Variants in ATP8B1 observed in about 807,000 individuals in gnomAD.
ATP8B1 encodes ATPase phospholipid transporting 8B1, also known as phospholipid-transporting ATPase IC.
ATP8B1 carries 80 observed loss-of-function variants against 149.9 expected under a neutral mutation model. The observed-to-expected ratio is 0.53, with a 90% CI of 0.45 to 0.64. The LOEUF (loss-of-function observed/expected upper bound fraction) is 0.64. ATP8B1 is among the 30% of genes least tolerant of loss of function. ATP8B1 has a pLI of 0.00. For missense variants in ATP8B1, 1,247 were observed against 1,552.6 expected (o/e 0.80, Z 3.31); for synonymous variants, 536 against 562.8 (o/e 0.95, Z 0.67).
intron 6 of ATP8B1, among the ~76,000 whole-genome samples, chr18:57,700,773 C>T (rs1913075784): frequency 6.6e-6 from 1 of 152,140 alleles, no homozygotes; most frequent in Non-Finnish European, 1.5e-5. Flanking sequence ...ACAAAATTAG[C>T]TGAGCATGGT....
chr18:57,661,107 C>T, intron 22 of ATP8B1, 67 bp downstream of exon 22: 2 of 1,584,490 alleles, frequency 1.3e-6, no homozygotes, highest in East Asian at 2.3e-5. Context: ...AATCCACCCC[C>T]TACACATTCC....
intron 1 of ATP8B1, among the ~76,000 whole-genome samples, chr18:57,777,097 C>A (rs1433334317): frequency 6.6e-6 from 1 of 152,082 alleles, no homozygotes; most frequent in Non-Finnish European, 1.5e-5. Context: ...CCCACCTCAG[C>A]CTCCCATGTA....
chr18:57,774,981 G>A (rs1417641031), intron 1 of ATP8B1, among the ~76,000 whole-genome samples: 1 of 152,166 alleles, frequency 6.6e-6, no homozygotes, highest in Non-Finnish European at 1.5e-5. Flanking sequence ...TGAACACCCA[G>A]GACAGAGCCT....
chr18:57,668,114 G>C lies in ATP8B1; in HGVS notation c.2209+315C>G, dbSNP rs778027235. The C allele has an allele frequency of 2.2e-6, 3 of 1,339,636 alleles. No homozygotes were observed. The South Asian group carries it at 3.7e-5, about 16-fold the overall frequency. The allele number at this position is 1,339,636 out of a possible 1,614,324, so 83.0% of individuals were successfully genotyped here. A position where few individuals can be genotyped will look rare whatever the true frequency, so the allele number is the denominator to read the frequency against. On this transcript the variant is annotated intron_variant, in intron 19 of 27. Coordinates refer to ENST00000648908, the MANE Select transcript of ATP8B1 (RefSeq NM_001374385.1). ...CCACCAAATGTCAAAGCACTGGAAG[G>C]ACAGAGGGACAAGAGGGATGGCCCT... is the stretch of plus-strand genomic sequence containing the variant.
In ATP8B1 at chr18:57,652,643, A is replaced by G; in HGVS notation, c.3102T>C (p.Phe1034=). ...RDLLFNYKRF[F]VSLLHGVLTS... is the part of the protein sequence containing the mutation. ...TTAGGACCCCATGCAACAAGCTTAC[A>G]AAGAATCTCTTATAGTTGAATAGTA... Residue 1034 remains phenylalanine, a synonymous_variant, in exon 25 of 28, where the codon TTT becomes TTC. Coordinates refer to ENST00000648908, the MANE Select transcript of ATP8B1 (RefSeq NM_001374385.1). 1 of 1,614,228 alleles carries G rather than the reference A, an allele frequency of 6.2e-7. No individual in the cohort carries two copies. Among genetic ancestry groups the G allele is most frequent in the Non-Finnish European group, 8.5e-7 (1 of 1,180,026 alleles).
In ATP8B1 at chr18:57,669,443, A is replaced by C. The variant is rs1467058798; in HGVS notation, c.1972T>G (p.Tyr658Asp). The C allele has an allele frequency of 2.5e-6, 4 of 1,613,470 alleles. No homozygotes were observed. The highest frequency in any genetic ancestry group is 3.4e-6 in the Non-Finnish European group (4 of 1,179,614). The change falls in exon 18 of 28, where the codon TAC becomes GAC. Residue 658 changes from tyrosine (Y) to aspartate (D), a missense_variant. Physicochemically the swap from Tyr to Asp is radical, Grantham distance 160 (BLOSUM62 -3). This residue lies in a region of ATP8B1 where 853 missense variants were observed against 1,035.7 expected (regional missense o/e 0.82). Transcript: ENST00000648908. ...AATTCTTTTTCTTCAATTTCCTTGT[A>C]GCAAAGGCATAGGGTTCTAAGAGTT... is the stretch of plus-strand genomic sequence containing the variant. ...NETLRTLCLCYKEIEEKEFTE... is the reference protein window; with the variant it reads ...NETLRTLCLCDKEIEEKEFTE...
chr18:57,713,808 G>A (rs1366737173), intron 2 of ATP8B1, among the ~76,000 whole-genome samples: 1 of 65,830 alleles, frequency 1.5e-5, no homozygotes, highest in Non-Finnish European at 3.3e-5. Context: ...TTTATTTTTA[G>A]TAGAGACAGG....
At chr18:57,685,808 G>T (rs28421331) in intron 13 of ATP8B1, among the ~76,000 whole-genome samples, 1 of 152,000 alleles carries the variant, frequency 6.6e-6, no homozygotes, top group Non-Finnish European at 1.5e-5. Flanking sequence ...GTTCATACCT[G>T]TAGTCCCAGC....
chr18:57,685,944 CA>C (rs1261009818), intron 13 of ATP8B1, among the ~76,000 whole-genome samples: 7 of 145,414 alleles, frequency 4.8e-5, no homozygotes, highest in Non-Finnish European at 1.1e-4. Flanking sequence ...AAAACAAAAA[CA>C]AAACCAAAAA....
chr18:57,755,789 C>T (rs1267583294), intron 1 of ATP8B1, among the ~76,000 whole-genome samples: 3 of 152,136 alleles, frequency 2.0e-5, no homozygotes, highest in Non-Finnish European at 4.4e-5. Context: ...CTCTCCTGTT[C>T]TCTACAGAGT....
intron 13 of ATP8B1, 83 bp from the exon 14 acceptor site, chr18:57,685,198 A>G (rs1912174617): frequency 1.4e-6 from 2 of 1,480,754 alleles, no homozygotes; most frequent in South Asian, 2.3e-5. Context: ...TTATATAGTG[A>G]TGGTGGTAAG....
chr18:57,734,536 G>GA (rs990787585), intron 1 of ATP8B1, among the ~76,000 whole-genome samples: 1 of 151,988 alleles, frequency 6.6e-6, no homozygotes, highest in Admixed American at 6.6e-5. Flanking sequence ...GTTTCCTTTT[G>GA]AAAAATGTCT....
intron 13 of ATP8B1, among the ~76,000 whole-genome samples, chr18:57,685,595 T>C (rs1043628332): frequency 1.3e-5 from 2 of 152,206 alleles, no homozygotes; most frequent in East Asian, 3.9e-4. Context: ...TTACATAAAA[T>C]TAAATTTCTA....
intron 20 of ATP8B1, among the ~76,000 whole-genome samples, chr18:57,666,652 C>T (rs903172514): frequency 6.6e-6 from 1 of 151,814 alleles, no homozygotes; most frequent in Non-Finnish European, 1.5e-5. Context: ...TCTCCTGCCT[C>T]AGCCTCCCGA....
At position 57,667,895 on chromosome 18, in the gene ATP8B1, G is replaced by A. The variant is rs190190380; in HGVS notation, c.2209+534C>T. On this transcript the variant is annotated intron_variant, in intron 19 of 27. Coordinates refer to ENST00000648908, the MANE Select transcript of ATP8B1 (RefSeq NM_001374385.1). ...TGTGTAACCCGTTGACGATTTCAGC[G>A]CAAGAGACATTATTTGATTTCTTGT... 342 of 293,754 alleles carry A rather than the reference G, an allele frequency of 1.2e-3. 2 individuals carry two copies. The highest frequency in any genetic ancestry group is 7.2e-3 in the African/African-American group (327 of 45,422). The allele number at this position is 293,754 out of a possible 1,614,324, so 18.2% of individuals were successfully genotyped here. A position where few individuals can be genotyped will look rare whatever the true frequency, so the allele number is the denominator to read the frequency against.
At chr18:57,786,959 T>C (rs1315556587) in intron 1 of ATP8B1, among the ~76,000 whole-genome samples, 1 of 152,186 alleles carries the variant, frequency 6.6e-6, no homozygotes, top group Admixed American at 6.5e-5. Flanking sequence ...CAACATCGAC[T>C]TGGAACAGAA....
At position 57,704,098 on chromosome 18, in the gene ATP8B1, C is replaced by G. The variant is rs369341639; in HGVS notation, c.393+457G>C. Among the ~76,000 whole-genome samples the G allele has an allele frequency of 5.9e-5, 9 of 151,938 alleles. No individual in the cohort carries two copies. In the East Asian group the frequency reaches 1.4e-3, roughly 23 times the overall value. ...TCTCTTGCCTCAGTCTCCCGAGTAG[C>G]TGGGATTATAGGCATGCACCATCAC... On this transcript the variant is annotated intron_variant, in intron 4 of 27. Transcript: ENST00000648908.
intron 1 of ATP8B1, among the ~76,000 whole-genome samples, chr18:57,738,766 AT>A (rs2079883524): frequency 6.6e-6 from 1 of 151,996 alleles, no homozygotes; most frequent in South Asian, 2.1e-4. Flanking sequence ...ATGCTGCGAG[AT>A]CCCTCTAACT....
chr18:57,654,694 CCTT>C (rs1568180047), intron 23 of ATP8B1, among the ~76,000 whole-genome samples: 1 of 108,038 alleles, frequency 9.3e-6, no homozygotes, highest in East Asian at 2.6e-4. Context: ...CAAATCCCCT[CCTT>C]TTTTTTTTTT....
Sources: gnomAD v4.1 joint callset for allele counts (sites outside exome capture counted in the v4.1 genomes callset) on GRCh38, gnomAD v4.1.1 for gene constraint, gnomAD v4.1.1 regional missense constraint, MANE v1.5 for transcripts, NCBI Gene and HGNC (gene_info 2026-07-23, HGNC 2026-07-21) for gene names.